Variants in PTPRZ1 observed in about 807,000 individuals in gnomAD.
The protein encoded by PTPRZ1 is protein tyrosine phosphatase receptor type Z1, also known as receptor-type tyrosine-protein phosphatase zeta.
A neutral mutation model predicts 214.1 loss-of-function variants in PTPRZ1; 82 were observed. The observed-to-expected ratio is 0.38, with a 90% confidence interval of 0.32 to 0.46. The LOEUF (loss-of-function observed/expected upper bound fraction) is 0.46. Among genes scored for constraint, PTPRZ1 ranks in the 20% least tolerant of loss-of-function variants. The probability of loss-of-function intolerance (pLI) is 1.00; values close to 1 mark genes in which losing one functional copy is unlikely to be tolerated. For missense variants in PTPRZ1, 2,603 were observed against 2,748.7 expected (o/e 0.95, Z 1.19); for synonymous variants, 945 against 987.9 (o/e 0.96, Z 0.81).
intron 1 of PTPRZ1, among the ~76,000 whole-genome samples, chr7:121,889,708 T>C (rs563907922): frequency 9.9e-5 from 15 of 152,252 alleles, no homozygotes; most frequent in African/African-American, 3.6e-4. Flanking sequence ...TCTCCTGTCC[T>C]TTGCTCCTGA....
At chr7:121,982,426 G>C (rs1346015092) in intron 6 of PTPRZ1, among the ~76,000 whole-genome samples, 1 of 152,054 alleles carries the variant, frequency 6.6e-6, no homozygotes, top group African/African-American at 2.4e-5. Flanking sequence ...ACAACCTTCT[G>C]GGATTTTAAT....
chr7:121,939,379 A>G (rs1212440914), intron 2 of PTPRZ1, among the ~76,000 whole-genome samples: 4 of 152,224 alleles, frequency 2.6e-5, no homozygotes, highest in Non-Finnish European at 5.9e-5. Flanking sequence ...GCCAAAATAT[A>G]TTACCTCTAA....
intron 26 of PTPRZ1, among the ~76,000 whole-genome samples, 163 bp from the exon 27 acceptor site, chr7:122,054,778 C>T (rs758265335): frequency 9.2e-5 from 14 of 152,012 alleles, no homozygotes; most frequent in Non-Finnish European, 1.9e-4. Flanking sequence ...TTCAGCACAT[C>T]AATCTAGTTG....
Position 122,061,356 on chromosome 7 carries a change from C to T in PTPRZ1, c.*136C>T, listed in dbSNP as rs1030455730. The T allele has an allele frequency of 2.3e-5, 18 of 798,722 alleles. No individual in the cohort carries two copies. The highest frequency in any genetic ancestry group is 5.0e-5 in the South Asian group (1 of 19,840). 49.5% of individuals were successfully genotyped at this position (798,722 alleles called of 1,614,324 possible). A position where few individuals can be genotyped will look rare whatever the true frequency, so the allele number is the denominator to read the frequency against. On this transcript the variant is annotated 3_prime_UTR_variant, in exon 30 of 30. Coordinates refer to ENST00000393386, the MANE Select transcript of PTPRZ1 (RefSeq NM_002851.3). ...TAACTTTCATGACATAGGATTCTGC[C>T]GCCAAATTTATATCATTAACAATGT...
At chr7:122,007,940 G>T (rs780753192) in intron 11 of PTPRZ1, among the ~76,000 whole-genome samples, 1 of 152,044 alleles carries the variant, frequency 6.6e-6, no homozygotes, top group Non-Finnish European at 1.5e-5. Flanking sequence ...ACCTTACAGC[G>T]ATCAACAAGA....
At chr7:121,991,167 G>C (rs1173990461) in intron 8 of PTPRZ1, among the ~76,000 whole-genome samples, 1 of 152,186 alleles carries the variant, frequency 6.6e-6, no homozygotes, top group Non-Finnish European at 1.5e-5. Flanking sequence ...TCACCCTATA[G>C]GGTTGTGGTG....
intron 17 of PTPRZ1, 75 bp from the exon 18 acceptor site, chr7:122,036,525 T>C: frequency 1.0e-6 from 1 of 985,242 alleles, no homozygotes; most frequent in East Asian, 2.6e-5. Context: ...AAATAAATTA[T>C]TATGCAAATA....
At chr7:121,952,680 T>G (rs1279742987) in intron 2 of PTPRZ1, among the ~76,000 whole-genome samples, 1 of 152,246 alleles carries the variant, frequency 6.6e-6, no homozygotes, top group Non-Finnish European at 1.5e-5. Flanking sequence ...ATAATTTACT[T>G]TGAGATTAAT....
intron 14 of PTPRZ1, among the ~76,000 whole-genome samples, chr7:122,030,805 C>T (rs1799347578): frequency 6.6e-6 from 1 of 151,758 alleles, no homozygotes; most frequent in Non-Finnish European, 1.5e-5. Context: ...AAATCAGAAC[C>T]AGTTAAAATA....
At position 122,000,019 on chromosome 7, in the gene PTPRZ1, A is replaced by G. The variant is rs143641739; in HGVS notation, c.1240+2013A>G. Among the ~76,000 whole-genome samples, 777 of 152,252 alleles carry G rather than the reference A, an allele frequency of 5.1e-3. 2 individuals are homozygous for G. Among genetic ancestry groups the G allele is most frequent in the South Asian group, 0.017 (82 of 4,832 alleles). On this transcript the variant is annotated intron_variant, in intron 10 of 29. Coordinates refer to ENST00000393386, the MANE Select transcript of PTPRZ1 (RefSeq NM_002851.3). ...GCCTCAGTCTCTTAAGGCATTTTGT[A>G]TAGTAATGATGTGTTAGTAAAAGAT...
At chr7:122,006,634 C>T (rs1276452845) in intron 11 of PTPRZ1, among the ~76,000 whole-genome samples, 3 of 151,872 alleles carry the variant, frequency 2.0e-5, no homozygotes, top group African/African-American at 7.3e-5. Flanking sequence ...ATATGACAAA[C>T]ACAAGCAGAT....
At chr7:121,922,101 T>G (rs969130706) in intron 1 of PTPRZ1, among the ~76,000 whole-genome samples, 4 of 152,220 alleles carry the variant, frequency 2.6e-5, no homozygotes, top group Non-Finnish European at 5.9e-5. Flanking sequence ...AAATTTAATT[T>G]TACTTGGAAA....
chr7:121,939,607 A>G (rs1796184563), intron 2 of PTPRZ1, among the ~76,000 whole-genome samples: 1 of 152,248 alleles, frequency 6.6e-6, no homozygotes, highest in Non-Finnish European at 1.5e-5. Flanking sequence ...ATGAAGGAGT[A>G]AACTTCTCAT....
At chr7:121,953,346 T>G (rs116103348) in intron 2 of PTPRZ1, among the ~76,000 whole-genome samples, 1,859 of 152,320 alleles carry the variant, frequency 0.012, 44 homozygotes, top group African/African-American at 0.042. Flanking sequence ...AACTTTCACT[T>G]GGTTTGAAAA....
intron 15 of PTPRZ1, 145 bp from the exon 16 acceptor site, chr7:122,033,950 T>C: frequency 3.0e-6 from 2 of 673,558 alleles, no homozygotes; most frequent in South Asian, 4.1e-5. Context: ...TTTGAAACAT[T>C]CTGTTGTGTT....
intron 23 of PTPRZ1, among the ~76,000 whole-genome samples, chr7:122,049,858 T>C (rs1210094833): frequency 6.6e-6 from 1 of 152,074 alleles, no homozygotes; most frequent in Non-Finnish European, 1.5e-5. Context: ...ATAGAAGAAT[T>C]CTGTTGTACT....
At chr7:122,040,744 G>A in intron 20 of PTPRZ1, 72 bp from the exon 21 acceptor site, 1 of 366,858 alleles carries the variant, frequency 2.7e-6, no homozygotes, top group African/African-American at 2.8e-5. Context: ...GTGTGTGTGT[G>A]TGTGTGTGTG....
At chr7:121,886,463 A>AACACAT (rs1554424335) in intron 1 of PTPRZ1, among the ~76,000 whole-genome samples, 5 of 147,924 alleles carry the variant, frequency 3.4e-5, no homozygotes, top group African/African-American at 1.2e-4. Context: ...TATTAAATGT[A>AACACAT]ACACACACAC....
chr7:121,918,714 T>C (rs1450914222), intron 1 of PTPRZ1, among the ~76,000 whole-genome samples: 1 of 152,020 alleles, frequency 6.6e-6, no homozygotes, highest in Non-Finnish European at 1.5e-5. Flanking sequence ...ACTCATCAAA[T>C]ATTTGGAAAA....
Sources: gnomAD v4.1 joint callset for allele counts (sites outside exome capture counted in the v4.1 genomes callset) on GRCh38, gnomAD v4.1.1 for gene constraint, MANE v1.5 for transcripts, NCBI Gene and HGNC (gene_info 2026-07-23, HGNC 2026-07-21) for gene names.